Variants in KCNIP4 observed in about 807,000 individuals in gnomAD.
KCNIP4 encodes the protein potassium voltage-gated channel interacting protein 4, also known as Kv channel-interacting protein 4.
A neutral mutation model predicts 34.0 loss-of-function variants in KCNIP4; 12 were observed. That is an observed-to-expected ratio of 0.35 (90% CI 0.23 to 0.57). KCNIP4 has a LOEUF of 0.57. Among genes scored for constraint, KCNIP4 ranks in the 20% least tolerant of loss-of-function variants. The pLI, the probability that KCNIP4 is intolerant of heterozygous loss-of-function variation, is 0.83. For missense variants in KCNIP4, 238 were observed against 311.7 expected, an observed-to-expected ratio of 0.76 and a Z score of 1.78; for synonymous variants, 124 against 102.2, an observed-to-expected ratio of 1.21 and a Z score of -1.29.
At chr4:21,579,790 A>G (rs1741069039) in intron 1 of KCNIP4, among the ~76,000 whole-genome samples, 1 of 152,174 alleles carries the variant, frequency 6.6e-6, no homozygotes, top group African/African-American at 2.4e-5. Context: ...ATAGAGATAA[A>G]AACTTTATTT....
intron 1 of KCNIP4, among the ~76,000 whole-genome samples, chr4:21,467,845 A>T (rs1320899920): frequency 6.6e-6 from 1 of 152,180 alleles, no homozygotes; most frequent in Non-Finnish European, 1.5e-5. Flanking sequence ...TTAAATTTTT[A>T]AAGCCCAAGG....
At chr4:21,353,406 G>T (rs1013729094) in intron 1 of KCNIP4, among the ~76,000 whole-genome samples, 20 of 152,146 alleles carry the variant, frequency 1.3e-4, no homozygotes, top group African/African-American at 4.8e-4. Context: ...TTGAAAAAAG[G>T]TTAGATGAAT....
chr4:21,240,887 A>C (rs1759763460), intron 1 of KCNIP4, among the ~76,000 whole-genome samples: 1 of 146,040 alleles, frequency 6.8e-6, no homozygotes, highest in Non-Finnish European at 1.6e-5. Context: ...TTCTTCTCAA[A>C]GTCTACTGTA....
At chr4:20,961,116 G>A (rs1033090916) in intron 1 of KCNIP4, among the ~76,000 whole-genome samples, 1 of 151,992 alleles carries the variant, frequency 6.6e-6, no homozygotes, top group African/African-American at 2.4e-5. Flanking sequence ...AAAAACAAAA[G>A]GCCTAAGGAA....
chr4:21,800,318 C>T (rs1352295062), intron 1 of KCNIP4, among the ~76,000 whole-genome samples: 5 of 152,152 alleles, frequency 3.3e-5, no homozygotes, highest in Non-Finnish European at 5.9e-5. Flanking sequence ...ATAAGAGACA[C>T]TGAAGACTTG....
chr4:21,890,783 C>T (rs1294930823), intron 1 of KCNIP4, among the ~76,000 whole-genome samples: 4 of 152,078 alleles, frequency 2.6e-5, no homozygotes, highest in African/African-American at 9.7e-5. Flanking sequence ...GAAAAGCATG[C>T]ATTTATGTCA....
chr4:21,465,759 G>A (rs1729873712), intron 1 of KCNIP4, among the ~76,000 whole-genome samples: 1 of 152,152 alleles, frequency 6.6e-6, no homozygotes, highest in Non-Finnish European at 1.5e-5. Context: ...CACATAGTGG[G>A]CACTCTCCAA....
intron 1 of KCNIP4, among the ~76,000 whole-genome samples, chr4:21,531,991 G>A (rs1276113298): frequency 6.6e-6 from 1 of 152,086 alleles, no homozygotes; most frequent in Non-Finnish European, 1.5e-5. Context: ...GTAGGAAATT[G>A]AGGGTGCCTT....
chr4:21,942,575 G>C (rs936865682), intron 1 of KCNIP4, among the ~76,000 whole-genome samples: 4 of 152,214 alleles, frequency 2.6e-5, no homozygotes, highest in African/African-American at 9.7e-5. Context: ...TTGATGTCAT[G>C]TACTGTGCTC....
intron 1 of KCNIP4, among the ~76,000 whole-genome samples, chr4:21,808,577 G>A (rs1033983275): frequency 6.6e-6 from 1 of 152,108 alleles, no homozygotes; most frequent in East Asian, 1.9e-4. Flanking sequence ...ACTATTAGTA[G>A]TTAAGTTTTG....
At chr4:20,743,686 A>G (rs932322742) in intron 5 of KCNIP4, among the ~76,000 whole-genome samples, 1 of 152,162 alleles carries the variant, frequency 6.6e-6, no homozygotes, top group Non-Finnish European at 1.5e-5. Context: ...AACCTAGGCA[A>G]TACCATTCAG....
At chr4:21,845,972 C>T (rs1462739998) in intron 1 of KCNIP4, 1 of 151,912 alleles carries the variant, frequency 6.6e-6, no homozygotes, top group Non-Finnish European at 1.5e-5. Flanking sequence ...GTGATTGCCT[C>T]TGTTTTTTTG....
intron 1 of KCNIP4, among the ~76,000 whole-genome samples, chr4:21,709,205 A>G (rs956706654): frequency 2.6e-5 from 4 of 152,200 alleles, no homozygotes; most frequent in Admixed American, 2.0e-4. Context: ...TAAAAAGAAC[A>G]ATAAATGTCC....
At chr4:21,795,026 G>A (rs1185394596) in intron 1 of KCNIP4, among the ~76,000 whole-genome samples, 5 of 152,110 alleles carry the variant, frequency 3.3e-5, no homozygotes, top group African/African-American at 9.7e-5. Flanking sequence ...ACTACAGACT[G>A]AATTTTCAGT....
At chr4:21,775,901 G>A (rs947616559) in intron 1 of KCNIP4, among the ~76,000 whole-genome samples, 4 of 152,170 alleles carry the variant, frequency 2.6e-5, no homozygotes, top group African/African-American at 9.6e-5. Context: ...GAGTCCCAGC[G>A]CTGGCTGATG....
Position 20,729,805 on chromosome 4 carries a change from C to CAATAAAACTATATGCCA in KCNIP4, c.*260_*276dup. ...CTCAATAATCCCATGGCTAAGGAAC[C>CAATAAAACTATATGCCA]AATAAAACTATATGCCAGATTCTAT... On this transcript the variant is annotated 3_prime_UTR_variant, in exon 9 of 9. Transcript: ENST00000382152. The CAATAAAACTATATGCCA allele has an allele frequency of 3.1e-6, 1 of 319,172 alleles. No homozygotes were observed. The highest frequency in any genetic ancestry group is 4.8e-5 in the Admixed American group (1 of 20,850). The allele number at this position is 319,172 out of a possible 1,614,324, so 19.8% of individuals were successfully genotyped here.
At chr4:21,103,654 T>C (rs1748174537) in intron 1 of KCNIP4, among the ~76,000 whole-genome samples, 2 of 151,674 alleles carry the variant, frequency 1.3e-5, no homozygotes, top group Non-Finnish European at 2.9e-5. Flanking sequence ...TACATACGTA[T>C]ACATGTGCCA....
chr4:21,664,298 T>C (rs750479915), intron 1 of KCNIP4, among the ~76,000 whole-genome samples: 8 of 152,122 alleles, frequency 5.3e-5, no homozygotes, highest in Non-Finnish European at 1.2e-4. Context: ...ACAGCAGTTC[T>C]GTGAACTAGT....
chr4:21,573,853 A>G (rs1244382242), intron 1 of KCNIP4, among the ~76,000 whole-genome samples: 1 of 152,172 alleles, frequency 6.6e-6, no homozygotes, highest in Non-Finnish European at 1.5e-5. Context: ...AGACTGGGAC[A>G]TTGTTCCTGT....
Sources: allele counts gnomAD v4.1 joint callset (sites outside exome capture counted in the v4.1 genomes callset), GRCh38; gene constraint gnomAD v4.1.1; transcripts MANE v1.5; gene names NCBI Gene and HGNC (gene_info 2026-07-23, HGNC 2026-07-21).